Variants in SASH1 observed in about 807,000 individuals in gnomAD.
The protein encoded by SASH1 is SAM and SH3 domain containing 1, also known as SAM and SH3 domain-containing protein 1.
Under a neutral mutation model 125.2 loss-of-function variants are expected in SASH1, and 44 were observed. The observed-to-expected ratio is 0.35, with a 90% CI of 0.28 to 0.45. The LOEUF is 0.45. SASH1 is among the 20% of genes least tolerant of loss of function. The pLI, the probability that SASH1 is intolerant of heterozygous loss-of-function variation, is 1.00. For missense variants in SASH1, 1,426 were observed against 1,614.5 expected, an observed-to-expected ratio of 0.88 and a Z score of 2.00; for synonymous variants, 639 against 649.1, an observed-to-expected ratio of 0.98 and a Z score of 0.24.
intron 7 of SASH1, chr6:148,480,787 G>A (rs941323034): frequency 2.0e-5 from 3 of 152,582 alleles, no homozygotes; most frequent in African/African-American, 7.2e-5. Context: ...GAACTAATAT[G>A]TGAAACATTA....
chr6:148,336,096 A>G (rs1485172801), intron 1 of SASH1, among the ~76,000 whole-genome samples: 1 of 151,708 alleles, frequency 6.6e-6, no homozygotes. Flanking sequence ...CTGGCCCAAT[A>G]TAGGAACTTG....
the SASH1 span, among the ~76,000 whole-genome samples, chr6:148,206,816 CACACACACACACACAA>C: frequency 1.2e-4 from 18 of 151,676 alleles, no homozygotes; most frequent in African/African-American, 4.1e-4. Context: ...CACACACACA[CACACACACACACACAA>C]ATTAACATAA....
chr6:148,371,029 C>G (rs1394582804), intron 1 of SASH1, among the ~76,000 whole-genome samples: 1 of 152,158 alleles, frequency 6.6e-6, no homozygotes, highest in East Asian at 1.9e-4. Flanking sequence ...CTGTCATTCT[C>G]TTGGCGATCT....
chr6:148,326,369 T>TATGC (rs1780821802), intron 1 of SASH1, among the ~76,000 whole-genome samples: 1 of 57,008 alleles, frequency 1.8e-5, no homozygotes, highest in African/African-American at 6.2e-5. Context: ...CATATATATA[T>TATGC]ATATACATTC....
intron 4 of SASH1, among the ~76,000 whole-genome samples, chr6:148,467,228 C>G (rs914654267): frequency 1.3e-5 from 2 of 151,224 alleles, no homozygotes; most frequent in African/African-American, 2.4e-5. Flanking sequence ...TCCCGAGTAG[C>G]TAGGATTACA....
At chr6:148,416,190 A>G (rs1784808194) in intron 2 of SASH1, among the ~76,000 whole-genome samples, 1 of 152,212 alleles carries the variant, frequency 6.6e-6, no homozygotes, top group Admixed American at 6.5e-5. Context: ...ACAGGATGCA[A>G]TTTGTTCCCT....
chr6:148,468,046 G>A (rs1011154960), intron 4 of SASH1, among the ~76,000 whole-genome samples: 3 of 152,170 alleles, frequency 2.0e-5, no homozygotes, highest in Non-Finnish European at 4.4e-5. Context: ...TGTACTGGCC[G>A]CCCCCTTTAT....
intron 4 of SASH1, 42 bp downstream of exon 4, chr6:148,440,449 G>T (rs759458491): frequency 6.4e-7 from 1 of 1,556,250 alleles, no homozygotes; most frequent in South Asian, 1.1e-5. Context: ...TTCCAAGAAG[G>T]TGTCTTTTAG....
the SASH1 span, among the ~76,000 whole-genome samples, chr6:148,215,858 A>T: frequency 0.037 from 5,606 of 151,354 alleles, 339 homozygotes; most frequent in African/African-American, 0.13. Flanking sequence ...TATTTATTTT[A>T]TTTATTTATT....
At chr6:148,215,368 G>T in the SASH1 span, among the ~76,000 whole-genome samples, 1 of 152,106 alleles carries the variant, frequency 6.6e-6, no homozygotes, top group Admixed American at 6.5e-5. Context: ...TGAAACTTAT[G>T]AAATTTTAAA....
At chr6:148,456,203 C>T (rs377578785) in intron 4 of SASH1, among the ~76,000 whole-genome samples, 7 of 152,136 alleles carry the variant, frequency 4.6e-5, no homozygotes, top group Non-Finnish European at 7.4e-5. Flanking sequence ...CACCCCAGGC[C>T]GAGGCTGGTA....
chr6:148,312,879 T>C (rs1582951643), intron 1 of SASH1, among the ~76,000 whole-genome samples: 1 of 151,976 alleles, frequency 6.6e-6, no homozygotes, highest in Non-Finnish European at 1.5e-5. Context: ...GCTGTGGCTG[T>C]TGCTAGATGA....
At chr6:148,405,236 CTG>C (rs929490277) in intron 2 of SASH1, among the ~76,000 whole-genome samples, 18 of 152,000 alleles carry the variant, frequency 1.2e-4, no homozygotes, top group African/African-American at 4.1e-4. Flanking sequence ...GTGATCACCT[CTG>C]TGTGCATGTA....
the SASH1 span, among the ~76,000 whole-genome samples, chr6:148,258,451 C>T: frequency 2.0e-5 from 3 of 152,108 alleles, no homozygotes; most frequent in African/African-American, 7.2e-5. Flanking sequence ...TTATTACCCC[C>T]AATTTACAGA....
At chr6:148,339,043 G>A (rs1220292639), upstream of SASH1, among the ~76,000 whole-genome samples, 4 of 143,882 alleles carry the variant, frequency 2.8e-5, no homozygotes, top group African/African-American at 1.0e-4. Context: ...GAGATAAAAA[G>A]CCCCTGAAGG....
intron 1 of SASH1, among the ~76,000 whole-genome samples, chr6:148,281,009 T>C (rs1779325947): frequency 6.6e-6 from 1 of 151,764 alleles, no homozygotes; most frequent in Admixed American, 6.6e-5. Context: ...AGTGTCATGA[T>C]CTTGGCTCAC....
intron 1 of SASH1, among the ~76,000 whole-genome samples, chr6:148,302,216 G>T (rs1032146949): frequency 6.8e-6 from 1 of 147,056 alleles, no homozygotes; most frequent in African/African-American, 2.5e-5. Context: ...TCGGGAGGCA[G>T]CAGGAGAATG....
intron 2 of SASH1, among the ~76,000 whole-genome samples, chr6:148,393,973 A>G (rs1412231500): frequency 6.8e-6 from 1 of 147,568 alleles, no homozygotes; most frequent in Non-Finnish European, 1.5e-5. Context: ...GCTCACTGCA[A>G]CCTCTGCCTC....
intron 9 of SASH1, among the ~76,000 whole-genome samples, chr6:148,516,523 G>A (rs1467394190): frequency 9.3e-6 from 1 of 108,090 alleles, no homozygotes; most frequent in African/African-American, 3.8e-5. Flanking sequence ...CCCGCCCTTG[G>A]ACTTACAAAG....
Sources: allele counts gnomAD v4.1 joint callset (sites outside exome capture counted in the v4.1 genomes callset), GRCh38; gene constraint gnomAD v4.1.1; transcripts MANE v1.5; gene names NCBI Gene and HGNC (gene_info 2026-07-23, HGNC 2026-07-21).